MYOM2: variants seen among roughly 807,000 people sequenced by gnomAD.
The protein encoded by MYOM2 is myomesin-2.
In MYOM2, 254 loss-of-function variants were observed where a neutral mutation model predicts 187.6. That is an observed-to-expected ratio of 1.35 (90% CI 1.22 to 1.50). The LOEUF (loss-of-function observed/expected upper bound fraction) is 1.50. MYOM2 is among the 40% of genes most tolerant of loss of function. MYOM2 has a pLI of 0.00. For missense variants in MYOM2, 2,796 were observed against 1,924.0 expected (o/e 1.45, Z -8.48); for synonymous variants, 981 against 753.8 (o/e 1.30, Z -4.94).
chr8:2,055,512 C>T (rs540825467), intron 3 of MYOM2, among the ~76,000 whole-genome samples: 11 of 152,040 alleles, frequency 7.2e-5, no homozygotes, highest in South Asian at 2.1e-4. Flanking sequence ...TGTGTGTGGT[C>T]GGAGCGGGGA....
At position 2,085,344 on chromosome 8, in the gene MYOM2, C is replaced by T; in HGVS notation, c.1598C>T (p.Pro533Leu). 3 of 1,614,172 alleles carry T rather than the reference C, an allele frequency of 1.9e-6. No individual in the cohort carries two copies. The highest frequency in any genetic ancestry group is 2.5e-6 in the Non-Finnish European group (3 of 1,180,008). ...SRNYVVLSWE[P>L]PTPRGKDPLM... ...AACTATGTCGTCCTCAGCTGGGAGC[C>T]ACCCACTCCCCGTGGCAAGGACCCG... The change falls in exon 14 of 37, where the codon CCA (proline) becomes CTA (leucine). Residue 533 changes from proline (P) to leucine (L), a missense_variant. Physicochemically the swap from Pro to Leu is moderately conservative, Grantham distance 98. Transcript: ENST00000262113.
At chr8:2,070,571 C>T (rs1056110640) in intron 8 of MYOM2, among the ~76,000 whole-genome samples, 7 of 152,166 alleles carry the variant, frequency 4.6e-5, no homozygotes, top group Admixed American at 2.6e-4. Context: ...GCCCCAGGCA[C>T]TGATGAGCTG....
intron 32 of MYOM2, among the ~76,000 whole-genome samples, chr8:2,134,821 G>GT (rs1310917578): frequency 1.3e-5 from 2 of 152,066 alleles, no homozygotes; most frequent in Non-Finnish European, 2.9e-5. Flanking sequence ...TTCTGGGCCC[G>GT]TAAAACATTC....
chr8:2,106,643 C>A, intron 23 of MYOM2, 46 bp downstream of exon 23: 1 of 1,362,980 alleles, frequency 7.3e-7, no homozygotes, highest in Non-Finnish European at 1.0e-6. Flanking sequence ...TTTTATCACA[C>A]TTTCAAAGAT....
Position 2,117,921 on chromosome 8 carries a change from C to G in MYOM2, c.3422C>G (p.Thr1141Arg), listed in dbSNP as rs760384319. The change falls in exon 28 of 37, where the codon ACG (threonine) becomes AGG (arginine). Residue 1141 changes from threonine (T) to arginine (R), a missense_variant. Thr to Arg is a moderately conservative substitution (Grantham distance 71). Transcript: ENST00000262113. Reference sequence around the variant, plus strand: ...GCTGAGTACTTGCACTGGGATGTCACGGAAGAATGTGAAGTTCGACTTGTT... The same window carrying G: ...GCTGAGTACTTGCACTGGGATGTCAGGGAAGAATGTGAAGTTCGACTTGTT... ...HFAEYLHWDV[T>R]EECEVRLVCK... 7 of 1,613,180 alleles carry G rather than the reference C, an allele frequency of 4.3e-6. 1 individual carries two copies. In the South Asian group the frequency reaches 7.7e-5, roughly 18 times the overall value.
At chr8:2,085,237 A>C in intron 13 of MYOM2, 26 bp from the exon 14 acceptor site, 1 of 1,612,164 alleles carries the variant, frequency 6.2e-7, no homozygotes, top group Non-Finnish European at 8.5e-7. Context: ...GTCCTTCAGC[A>C]CTCACCGAAT....
chr8:2,073,265 C>G (rs994642999), intron 9 of MYOM2, 74 bp from the exon 10 acceptor site: 56 of 1,510,562 alleles, frequency 3.7e-5, no homozygotes, highest in Non-Finnish European at 5.0e-5. Context: ...TGAGACGACG[C>G]TGGTGTCCCC....
chr8:2,094,192 A>C, intron 17 of MYOM2, 101 bp downstream of exon 17: 1 of 1,432,828 alleles, frequency 7.0e-7, no homozygotes, highest in Non-Finnish European at 9.5e-7. Context: ...ATTGAAGGGG[A>C]AAAGGGGACT....
intron 10 of MYOM2, among the ~76,000 whole-genome samples, chr8:2,074,387 T>C (rs546603146): frequency 6.6e-6 from 1 of 152,152 alleles, no homozygotes; most frequent in African/African-American, 2.4e-5. Context: ...GTTCCTGTTA[T>C]AACTTTGTAG....
intron 14 of MYOM2, among the ~76,000 whole-genome samples, chr8:2,086,257 C>T (rs1796039755): frequency 7.7e-6 from 1 of 130,658 alleles, no homozygotes; most frequent in Non-Finnish European, 1.7e-5. Flanking sequence ...TTTGCGTGGC[C>T]CCACTGTCAT....
At chr8:2,124,320 G>C in intron 31 of MYOM2, 103 bp downstream of exon 31, 1 of 1,205,728 alleles carries the variant, frequency 8.3e-7, no homozygotes, top group Non-Finnish European at 1.2e-6. Context: ...TGGAGCTGTG[G>C]TGCGTGTTCT....
At chr8:2,129,272 G>C (rs752500037) in intron 32 of MYOM2, 40 bp downstream of exon 32, 1 of 1,441,098 alleles carries the variant, frequency 6.9e-7, no homozygotes, top group Non-Finnish European at 9.8e-7. Context: ...TGCCATAGAT[G>C]GGGCTGTCCA....
chr8:2,073,443 C>T lies in MYOM2; in HGVS notation c.1063C>T (p.Leu355=), dbSNP rs780838635. ...LHKDDEGLYT[L]RIVSRGGVSD... ...CAAGGACGACGAGGGCCTGTACACC[C>T]TGCGCATCGTGTCTCGGGGCGGCGT... The change falls in exon 10 of 37, where the codon CTG becomes TTG. Residue 355 remains leucine (L), a synonymous_variant. Transcript: ENST00000262113. The T allele has an allele frequency of 1.9e-5, 30 of 1,612,172 alleles. No individual in the cohort carries two copies. The Admixed American group carries it at 3.3e-4, about 18-fold the overall frequency.
intron 32 of MYOM2, among the ~76,000 whole-genome samples, chr8:2,139,051 C>T (rs961159166): frequency 2.6e-5 from 1 of 38,868 alleles, no homozygotes; most frequent in Non-Finnish European, 5.4e-5. Flanking sequence ...ACCAGAGACC[C>T]GACACACACT....
At chr8:2,136,504 A>T (rs766872554) in intron 32 of MYOM2, among the ~76,000 whole-genome samples, 3 of 152,102 alleles carry the variant, frequency 2.0e-5, no homozygotes, top group Admixed American at 6.5e-5. Flanking sequence ...CTTCCCCCAG[A>T]TTGTGTGGCT....
chr8:2,107,335 T>A (rs1394707472), intron 23 of MYOM2, among the ~76,000 whole-genome samples: 1 of 152,066 alleles, frequency 6.6e-6, no homozygotes, highest in Non-Finnish European at 1.5e-5. Flanking sequence ...TTTCTTTGGG[T>A]GTCTAAGGCA....
rs35137852 is a variant in MYOM2 at position 2,125,604 on chromosome 8, CTTTTTTTTT to C, written c.3694+1401_3694+1409del. 4.5e-5 allele frequency among the ~76,000 whole-genome samples: 4 copies of C among 89,288 alleles called. No individual in the cohort carries two copies. The Admixed American group carries it at 4.9e-4, about 11-fold the overall frequency. The allele number at this position is 89,288 out of a possible 152,430, so 58.6% of individuals were successfully genotyped here. A position where few individuals can be genotyped will look rare whatever the true frequency, so the allele number is the denominator to read the frequency against. On this transcript the variant is annotated intron_variant, in intron 31 of 36. Transcript: ENST00000262113. ...CATACGACTTTTAGGATTATTTTTC[CTTTTTTTTT>C]TTTTTTTTTTTTTGAGACGGAGTCT...
intron 13 of MYOM2, among the ~76,000 whole-genome samples, chr8:2,083,138 T>G (rs1819687106): frequency 6.6e-6 from 1 of 152,230 alleles, no homozygotes; most frequent in Non-Finnish European, 1.5e-5. Flanking sequence ...ATATATTATA[T>G]ATTAATAATG....
In MYOM2 at chr8:2,145,301, G is replaced by A. The variant is rs950247357; in HGVS notation, c.*320G>A. 2 of 464,022 alleles carry A rather than the reference G, an allele frequency of 4.3e-6. No individual in the cohort carries two copies. Among genetic ancestry groups the A allele is most frequent in the African/African-American group, 2.0e-5 (1 of 49,632 alleles). 28.7% of individuals were successfully genotyped at this position (464,022 alleles called of 1,614,324 possible). A position where few individuals can be genotyped will look rare whatever the true frequency, so the allele number is the denominator to read the frequency against. Reference sequence around the variant, plus strand: ...ACATGGGTGTGGCACCTGGACGTGTGCAGCATGTGGCGGTCTGTGTGAAGC... The same window carrying A: ...ACATGGGTGTGGCACCTGGACGTGTACAGCATGTGGCGGTCTGTGTGAAGC... On this transcript the variant is annotated 3_prime_UTR_variant, in exon 37 of 37. Coordinates refer to ENST00000262113, the MANE Select transcript of MYOM2 (RefSeq NM_003970.4).
Sources: allele counts gnomAD v4.1 joint callset (sites outside exome capture counted in the v4.1 genomes callset), GRCh38; gene constraint gnomAD v4.1.1; transcripts MANE v1.5; gene names NCBI Gene and HGNC (gene_info 2026-07-23, HGNC 2026-07-21).